Variants in MYO9A observed in about 807,000 individuals in gnomAD.
MYO9A encodes myosin IXA.
In MYO9A, 103 loss-of-function variants were observed where a neutral mutation model predicts 293.3. That is an observed-to-expected ratio of 0.35 (90% CI 0.30 to 0.41). The LOEUF is 0.41. Ranked by LOEUF, MYO9A falls within the 10% of genes least tolerant of loss-of-function variation. MYO9A has a pLI of 1.00. For synonymous variants in MYO9A, 1,001 were observed against 1,035.7 expected (o/e 0.97, Z 0.64); for missense variants, 2,685 against 3,033.0 (o/e 0.89, Z 2.69).
intron 1 of MYO9A, among the ~76,000 whole-genome samples, chr15:72,059,454 TTCAG>T (rs1178285473): frequency 2.6e-5 from 4 of 152,244 alleles, no homozygotes; most frequent in Non-Finnish European, 4.4e-5. Flanking sequence ...ATCTGCACAA[TTCAG>T]TTTCAGCTCT....
intron 1 of MYO9A, among the ~76,000 whole-genome samples, chr15:72,072,477 G>A (rs1468906278): frequency 6.6e-6 from 1 of 152,124 alleles, no homozygotes; most frequent in Non-Finnish European, 1.5e-5. Context: ...ATTCACAATA[G>A]CAAAGTTATG....
intron 18 of MYO9A, among the ~76,000 whole-genome samples, chr15:71,922,064 G>A (rs372386781): frequency 4.5e-4 from 68 of 152,096 alleles, no homozygotes; most frequent in African/African-American, 1.4e-3. Context: ...CGCAACCTCC[G>A]CCTCCCAGGT....
chr15:71,827,699 G>A (rs1027613380), intron 41 of MYO9A, among the ~76,000 whole-genome samples, 185 bp downstream of exon 41: 1 of 152,048 alleles, frequency 6.6e-6, no homozygotes, highest in Non-Finnish European at 1.5e-5. Context: ...CCCCATCCAG[G>A]TCACTACCTG....
At chr15:71,846,305 C>CT (rs1219077696) in intron 39 of MYO9A, among the ~76,000 whole-genome samples, 4 of 152,156 alleles carry the variant, frequency 2.6e-5, no homozygotes, top group Admixed American at 2.6e-4. Flanking sequence ...ACCAAGATAT[C>CT]ATACAGAATT....
chr15:71,910,102 GTATATA>G lies in MYO9A; in HGVS notation c.2686-5102_2686-5097del, dbSNP rs771648187. Among the ~76,000 whole-genome samples, 4 of 133,926 alleles carry G rather than the reference GTATATA, an allele frequency of 3.0e-5. No individual in the cohort carries two copies. In the Admixed American group the frequency reaches 3.1e-4, roughly 10 times the overall value. 87.9% of individuals were successfully genotyped at this position (133,926 alleles called of 152,430 possible). A position where few individuals can be genotyped will look rare whatever the true frequency, so the allele number is the denominator to read the frequency against. Reference sequence around the variant, plus strand: ...TATATATACACGTATATATATATACGTATATATATACGTGTATATATACACGTGTAT... The same window carrying G: ...TATATATACACGTATATATATATACGTATACGTGTATATATACACGTGTAT... On this transcript the variant is annotated intron_variant, in intron 19 of 41. Coordinates refer to ENST00000356056, the MANE Select transcript of MYO9A (RefSeq NM_006901.4).
chr15:72,099,445 A>C, intron 1 of MYO9A, among the ~76,000 whole-genome samples: 1 of 136,808 alleles, frequency 7.3e-6, no homozygotes, highest in African/African-American at 2.6e-5. Context: ...AAAAAAAAGA[A>C]AAAAAAATTA....
chr15:71,984,453 T>G (rs981871976), intron 11 of MYO9A, among the ~76,000 whole-genome samples: 2 of 152,214 alleles, frequency 1.3e-5, no homozygotes, highest in African/African-American at 4.8e-5. Context: ...GCTTTTCAAA[T>G]GTATGCTTGT....
At chr15:71,930,523 T>C (rs2058447034) in intron 18 of MYO9A, among the ~76,000 whole-genome samples, 1 of 152,184 alleles carries the variant, frequency 6.6e-6, no homozygotes, top group South Asian at 2.1e-4. Context: ...ACTGTTGCTC[T>C]CTTTAGGTTT....
At chr15:72,101,248 G>A (rs1466905922) in intron 1 of MYO9A, among the ~76,000 whole-genome samples, 1 of 125,704 alleles carries the variant, frequency 8.0e-6, no homozygotes, top group African/African-American at 3.0e-5. Flanking sequence ...GAGGTGGGGG[G>A]GTCAGCCCCC....
At chr15:71,849,811 C>G (rs1446037252) in intron 38 of MYO9A, among the ~76,000 whole-genome samples, 1 of 151,826 alleles carries the variant, frequency 6.6e-6, no homozygotes, top group Non-Finnish European at 1.5e-5. Context: ...TACAAGCAGT[C>G]CTAAAGAAAA....
rs2058010469 is a variant in MYO9A at position 71,916,302 on chromosome 15, C to T, written c.2685+68G>A. ...TCCCATTCAAGTACCCTGCAGATCA[C>T]TTTAACCTTTCAATGACAATCTGAA... On this transcript the variant is annotated intron_variant, in intron 19 of 41. Transcript: ENST00000356056. 5 of 1,558,680 alleles carry T rather than the reference C, an allele frequency of 3.2e-6. No individual in the cohort carries two copies. In the South Asian group the frequency reaches 4.9e-5, roughly 15 times the overall value.
At chr15:71,843,734 C>T (rs1183834579) in intron 39 of MYO9A, among the ~76,000 whole-genome samples, 1 of 152,182 alleles carries the variant, frequency 6.6e-6, no homozygotes, top group Non-Finnish European at 1.5e-5. Flanking sequence ...CCGCCCGCCT[C>T]GGCCTCCCGA....
At chr15:72,022,269 C>A in intron 4 of MYO9A, among the ~76,000 whole-genome samples, 1 of 152,066 alleles carries the variant, frequency 6.6e-6, no homozygotes. Context: ...CACCTGTAAT[C>A]CCAGCACTTT....
intron 32 of MYO9A, among the ~76,000 whole-genome samples, chr15:71,866,656 A>C (rs1009679590): frequency 1.3e-5 from 2 of 152,274 alleles, no homozygotes; most frequent in Admixed American, 1.3e-4. Flanking sequence ...TATAAATATA[A>C]GGTAATAGAA....
intron 19 of MYO9A, among the ~76,000 whole-genome samples, chr15:71,915,003 T>TGA (rs1316697898): frequency 1.3e-5 from 2 of 152,172 alleles, no homozygotes; most frequent in Non-Finnish European, 2.9e-5. Flanking sequence ...TTTCAGACAC[T>TGA]GAGCTCACCA....
chr15:72,077,498 C>A (rs550801429), intron 1 of MYO9A, among the ~76,000 whole-genome samples: 2 of 151,964 alleles, frequency 1.3e-5, no homozygotes, highest in South Asian at 4.2e-4. Context: ...TTAAGACAAG[C>A]CTGGCCAACA....
At chr15:72,061,010 A>C (rs1413352714) in intron 1 of MYO9A, among the ~76,000 whole-genome samples, 3 of 152,188 alleles carry the variant, frequency 2.0e-5, no homozygotes, top group Non-Finnish European at 4.4e-5. Flanking sequence ...TAAAGCACCA[A>C]GCACAGTCCT....
chr15:71,880,227 A>G, intron 29 of MYO9A, 108 bp downstream of exon 29: 1 of 940,236 alleles, frequency 1.1e-6, no homozygotes, highest in Non-Finnish European at 1.6e-6. Context: ...AGATCATCTA[A>G]AGCATGGAAG....
Position 72,032,591 on chromosome 15 carries a change from G to T in MYO9A, c.841-3C>A. ...GCTGTCTTTGCATTTCCAAAGGCCT[G>T]TCAAAATAAATAATTCTCATTAGTT... On this transcript the variant is annotated splice_polypyrimidine_tract_variant and splice_region_variant and intron_variant, in intron 2 of 41. Transcript: ENST00000356056. The T allele has an allele frequency of 6.4e-7, 1 of 1,573,906 alleles. No individual in the cohort carries two copies. Among genetic ancestry groups the T allele is most frequent in the Non-Finnish European group, 8.6e-7 (1 of 1,166,136 alleles).
Sources: gnomAD v4.1 joint callset for allele counts (sites outside exome capture counted in the v4.1 genomes callset) on GRCh38, gnomAD v4.1.1 for gene constraint, MANE v1.5 for transcripts, NCBI Gene and HGNC (gene_info 2026-07-23, HGNC 2026-07-21) for gene names.